Variants in LIFR observed in about 807,000 individuals in gnomAD.
The protein encoded by LIFR is leukemia inhibitory factor receptor.
Under a neutral mutation model 122.2 loss-of-function variants are expected in LIFR, and 84 were observed. That is an observed-to-expected ratio of 0.69 (90% CI 0.58 to 0.82). LIFR has a LOEUF of 0.82. LIFR is among the 40% of genes least tolerant of loss of function. The pLI is 0.00. For missense variants in LIFR, 1,294 were observed against 1,311.6 expected (o/e 0.99, Z 0.21); for synonymous variants, 422 against 434.7 (o/e 0.97, Z 0.36).
rs960123104 is a variant in LIFR, at chr5:38,556,483, C to A, written c.-169G>T. On this transcript the variant is annotated 5_prime_UTR_variant, in exon 1 of 20. Transcript: ENST00000453190. ...CACAATGCGCCGCCGCCTCCGCAGC[C>A]GCCGTCTCGCCTCCCCTGTGTCGGC... The A allele has an allele frequency of 4.6e-5, 7 of 151,570 alleles. No homozygotes were observed. Among genetic ancestry groups the A allele is most frequent in the African/African-American group, 1.5e-4 (6 of 41,306 alleles). 9.4% of individuals were successfully genotyped at this position (151,570 alleles called of 1,614,324 possible). A position where few individuals can be genotyped will look rare whatever the true frequency, so the allele number is the denominator to read the frequency against.
intron 2 of LIFR, among the ~76,000 whole-genome samples, chr5:38,604,054 T>C (rs776990096): frequency 6.6e-6 from 1 of 152,210 alleles, no homozygotes; most frequent in African/African-American, 2.4e-5. Flanking sequence ...TCAACAAATG[T>C]TTATTAAATG....
At chr5:38,539,925 T>G (rs1747495323) in intron 1 of LIFR, among the ~76,000 whole-genome samples, 1 of 152,214 alleles carries the variant, frequency 6.6e-6, no homozygotes, top group South Asian at 2.1e-4. Context: ...ATCAATCCTA[T>G]AAGGTCGGTA....
In LIFR at chr5:38,482,226, T is replaced by A. The variant is rs1272362247; in HGVS notation, c.2671-8A>T. On this transcript the variant is annotated splice_polypyrimidine_tract_variant and splice_region_variant and intron_variant, in intron 19 of 19. Transcript: ENST00000453190. ...TTTAAGAGCACTGCTTCCCTAGAAATAAATTTAAACACAGTGATTAAAAAT... is the reference window on the plus strand; with the variant it reads ...TTTAAGAGCACTGCTTCCCTAGAAAAAAATTTAAACACAGTGATTAAAAAT... 6.2e-7 allele frequency: 1 copy of A among 1,602,902 alleles called. No individual in the cohort carries two copies. The highest frequency in any genetic ancestry group is 8.5e-7 in the Non-Finnish European group (1 of 1,177,138).
At chr5:38,550,594 T>G (rs1162515782) in intron 1 of LIFR, among the ~76,000 whole-genome samples, 1 of 152,254 alleles carries the variant, frequency 6.6e-6, no homozygotes, top group Admixed American at 6.5e-5. Context: ...TACTGTCTTA[T>G]AGCTAACATG....
upstream of LIFR, among the ~76,000 whole-genome samples, chr5:38,597,613 G>A (rs1397078040): frequency 6.6e-6 from 1 of 152,174 alleles, no homozygotes; most frequent in African/African-American, 2.4e-5. Flanking sequence ...AAAGGCAGAG[G>A]CCAGGGATGC....
chr5:38,593,951 G>A (rs1343937717), intron 1 of LIFR, among the ~76,000 whole-genome samples: 2 of 152,044 alleles, frequency 1.3e-5, no homozygotes, highest in South Asian at 4.1e-4. Flanking sequence ...CCAGACTATC[G>A]TATTTTTGTT....
chr5:38,515,178 C>T (rs1380150531), intron 5 of LIFR, among the ~76,000 whole-genome samples: 1 of 152,030 alleles, frequency 6.6e-6, no homozygotes, highest in Non-Finnish European at 1.5e-5. Flanking sequence ...CCATTCAAAC[C>T]TAGAACTGCT....
chr5:38,502,880 CT>C (rs906404246), intron 10 of LIFR, 81 bp from the exon 11 acceptor site: 120 of 784,538 alleles, frequency 1.5e-4, no homozygotes, highest in East Asian at 2.2e-4. Context: ...CATACATACA[CT>C]TTTTTTTGGT....
intron 1 of LIFR, among the ~76,000 whole-genome samples, chr5:38,607,139 G>A (rs1428259936): frequency 1.3e-5 from 2 of 151,994 alleles, no homozygotes; most frequent in African/African-American, 2.4e-5. Flanking sequence ...TATCTTCTTT[G>A]GATTATTTAA....
intron 1 of LIFR, among the ~76,000 whole-genome samples, chr5:38,536,241 C>T (rs904644933): frequency 1.3e-5 from 2 of 152,062 alleles, no homozygotes; most frequent in African/African-American, 2.4e-5. Context: ...AAAATACTAC[C>T]ATAGACCCTT....
At chr5:38,496,329 A>G in intron 13 of LIFR, 53 bp downstream of exon 13, 1 of 1,354,056 alleles carries the variant, frequency 7.4e-7, no homozygotes, top group Non-Finnish European at 1.1e-6. Flanking sequence ...AACATCAGAC[A>G]TTTCTCACTT....
intron 2 of LIFR, among the ~76,000 whole-genome samples, chr5:38,600,572 T>G (rs1375931573): frequency 6.6e-6 from 1 of 152,216 alleles, no homozygotes; most frequent in Non-Finnish European, 1.5e-5. Context: ...TACTAGTTCC[T>G]CTCATTCACT....
intron 16 of LIFR, among the ~76,000 whole-genome samples, chr5:38,488,829 A>G (rs991900926): frequency 6.6e-6 from 1 of 152,254 alleles, no homozygotes; most frequent in African/African-American, 2.4e-5. Context: ...TTTCTGTCCT[A>G]TGAGGCTTAT....
At chr5:38,579,202 G>T (rs577497045) in intron 1 of LIFR, 1 of 152,092 alleles carries the variant, frequency 6.6e-6, no homozygotes, top group Non-Finnish European at 1.5e-5. Flanking sequence ...TGGTCTTGTA[G>T]CAAAGGATAC....
intron 5 of LIFR, among the ~76,000 whole-genome samples, chr5:38,522,861 A>G (rs1253444908): frequency 6.6e-6 from 1 of 152,236 alleles, no homozygotes; most frequent in African/African-American, 2.4e-5. Context: ...CTATCAAGAA[A>G]AAGAGTAAAA....
Position 38,496,394 on chromosome 5 carries a change from C to T in LIFR, c.1873G>A (p.Glu625Lys). The change falls in exon 13 of 20, where the codon GAA (glutamate) becomes AAA (lysine). Residue 625 changes from glutamate to lysine, a missense_variant. Coordinates refer to ENST00000453190, the MANE Select transcript of LIFR (RefSeq NM_001127671.2). ...CTCAAGCACTCACCATTTGGAATTT[C>T]CATACTCGCTATTTTGGAAGGTGGT... ...SSPPSKIASM[E>K]IPNDDLKIEQ... The T allele has an allele frequency of 1.2e-6, 2 of 1,612,894 alleles. No individual in the cohort carries two copies. Among genetic ancestry groups the T allele is most frequent in the Non-Finnish European group, 1.7e-6 (2 of 1,178,868 alleles).
Position 38,485,883 on chromosome 5 carries a change from C to G in LIFR, c.2433G>C (p.Leu811Phe). ...CCACTCCACCATCTGTATAGGCTCG[C>G]AAGACCAGGTGGTAACTTGTTTTAC... The part of the protein sequence containing the change: ...LQGKTSYHLV[L>F]RAYTDGGVGP... The change falls in exon 17 of 20, where the codon TTG (leucine) becomes TTC (phenylalanine). Residue 811 changes from leucine to phenylalanine, a missense_variant. Transcript: ENST00000453190. 1 of 1,614,212 alleles carries G rather than the reference C, an allele frequency of 6.2e-7. No homozygotes were observed. Among genetic ancestry groups the G allele is most frequent in the Non-Finnish European group, 8.5e-7 (1 of 1,180,028 alleles).
At chr5:38,488,797 G>A (rs1175374753) in intron 16 of LIFR, among the ~76,000 whole-genome samples, 1 of 152,182 alleles carries the variant, frequency 6.6e-6, no homozygotes, top group African/African-American at 2.4e-5. Flanking sequence ...TATGGATTAT[G>A]TACAGCTCTA....
At chr5:38,563,848 G>A (rs1436364521) in intron 1 of LIFR, among the ~76,000 whole-genome samples, 1 of 152,158 alleles carries the variant, frequency 6.6e-6, no homozygotes, top group Non-Finnish European at 1.5e-5. Context: ...ATTCCTGAAC[G>A]CTATGTTCCA....
Sources: gnomAD v4.1 joint callset for allele counts (sites outside exome capture counted in the v4.1 genomes callset) on GRCh38, gnomAD v4.1.1 for gene constraint, MANE v1.5 for transcripts, NCBI Gene and HGNC (gene_info 2026-07-23, HGNC 2026-07-21) for gene names.